PLEKHA3: variants seen among roughly 807,000 people sequenced by gnomAD.
PLEKHA3 encodes pleckstrin homology domain-containing family A member 3.
PLEKHA3 carries 19 observed loss-of-function variants against 39.2 expected under a neutral mutation model. The ratio of observed to expected loss-of-function variants is 0.48; its 90% confidence interval spans 0.34 to 0.71. PLEKHA3 has a LOEUF of 0.71. Among genes scored for constraint, PLEKHA3 ranks in the 30% least tolerant of loss-of-function variants. The pLI is 0.01. For synonymous variants in PLEKHA3, 97 were observed against 118.6 expected (o/e 0.82, Z 1.18); for missense variants, 253 against 359.5 (o/e 0.70, Z 2.40).
rs1273181312 is a variant in PLEKHA3, at chr2:178,505,754, T to C, written c.*1867T>C. The C allele has an allele frequency of 6.6e-6, 1 of 151,960 alleles. No individual in the cohort carries two copies. Among genetic ancestry groups the C allele is most frequent in the Admixed American group, 6.6e-5 (1 of 15,248 alleles). The allele number at this position is 151,960 out of a possible 1,614,324, so 9.4% of individuals were successfully genotyped here. A position where few individuals can be genotyped will look rare whatever the true frequency, so the allele number is the denominator to read the frequency against. ...TTTTCTATTGCTTTACCCAAATAGA[T>C]GGGTTCGTGAAGAGTTTTCTGTGAA... On this transcript the variant is annotated 3_prime_UTR_variant, in exon 8 of 8. Transcript: ENST00000234453.
intron 4 of PLEKHA3, 138 bp from the exon 5 acceptor site, chr2:178,495,358 A>G: frequency 1.3e-6 from 1 of 767,222 alleles, no homozygotes; most frequent in Non-Finnish European, 2.0e-6. Flanking sequence ...TAATTTTCTA[A>G]GGTACTGTAT....
intron 1 of PLEKHA3, chr2:178,481,989 T>C (rs1178839893): frequency 6.5e-6 from 1 of 153,760 alleles, no homozygotes; most frequent in Non-Finnish European, 1.5e-5. Flanking sequence ...GTAAACTTTT[T>C]AAGGCATAAG....
At chr2:178,487,460 A>G (rs1333982527) in intron 2 of PLEKHA3, among the ~76,000 whole-genome samples, 2 of 149,276 alleles carry the variant, frequency 1.3e-5, no homozygotes, top group Non-Finnish European at 3.0e-5. Context: ...TTTTTTTGAG[A>G]CAGGTTCTCA....
intron 2 of PLEKHA3, among the ~76,000 whole-genome samples, chr2:178,486,698 C>A (rs1305434528): frequency 2.0e-5 from 3 of 152,198 alleles, no homozygotes; most frequent in African/African-American, 7.2e-5. Flanking sequence ...TTCTGTGTAA[C>A]AGTAGTTCAG....
At position 178,489,916 on chromosome 2, in the gene PLEKHA3, T is replaced by A. The variant is rs796692032; in HGVS notation, c.158-743T>A. ...TTTGTTTCTTGGTTAAATTGTCAAC[T>A]GTATAGAAGCAAAGACACCTTTTTT... On this transcript the variant is annotated intron_variant, in intron 2 of 7. Coordinates refer to ENST00000234453, the MANE Select transcript of PLEKHA3 (RefSeq NM_019091.4). Among the ~76,000 whole-genome samples, 9 of 152,348 alleles carry A rather than the reference T, an allele frequency of 5.9e-5. No homozygotes were observed. In the South Asian group the frequency reaches 6.2e-4, roughly 11 times the overall value.
In PLEKHA3 at chr2:178,512,054, A is replaced by G. The variant is rs1329499048; in HGVS notation, c.*8167A>G. 1 of 152,240 alleles carries G rather than the reference A, an allele frequency of 6.6e-6. No homozygotes were observed. Among genetic ancestry groups the G allele is most frequent in the Admixed American group, 6.5e-5 (1 of 15,284 alleles). 9.4% of individuals were successfully genotyped at this position (152,240 alleles called of 1,614,324 possible). A position where few individuals can be genotyped will look rare whatever the true frequency, so the allele number is the denominator to read the frequency against. ...TGCGGAAGTACAGGACTACCAGTGC[A>G]GCCAAGATGCACAGCACCAGGATTA... is the stretch of plus-strand genomic sequence containing the variant. On this transcript the variant is annotated 3_prime_UTR_variant, in exon 8 of 8. Coordinates refer to ENST00000234453, the MANE Select transcript of PLEKHA3 (RefSeq NM_019091.4).
chr2:178,481,188 A>G (rs1473185407), intron 1 of PLEKHA3, among the ~76,000 whole-genome samples: 2 of 152,126 alleles, frequency 1.3e-5, no homozygotes, highest in African/African-American at 4.8e-5. Flanking sequence ...GTCACCCTAC[A>G]TGTGTTGTTG....
At chr2:178,481,040 C>A in intron 1 of PLEKHA3, 131 bp downstream of exon 1, 1 of 813,914 alleles carries the variant, frequency 1.2e-6, no homozygotes, top group Non-Finnish European at 1.7e-6. Flanking sequence ...GATTCCAGGG[C>A]TTGTTGAGTC....
intron 6 of PLEKHA3, among the ~76,000 whole-genome samples, chr2:178,499,577 G>A (rs758983629): frequency 6.6e-6 from 1 of 152,142 alleles, no homozygotes; most frequent in Non-Finnish European, 1.5e-5. Context: ...ATATGTGACA[G>A]TGGCCTCATA....
chr2:178,512,490 T>C lies in PLEKHA3; in HGVS notation c.*8603T>C, dbSNP rs1207834206. On this transcript the variant is annotated 3_prime_UTR_variant, in exon 8 of 8. Coordinates refer to ENST00000234453, the MANE Select transcript of PLEKHA3 (RefSeq NM_019091.4). ...GATAATCTCTGTGCTTTTGCAAGTTTGGCACAAAGACTTTTACTCACTTAA... is the reference window on the plus strand; with the variant it reads ...GATAATCTCTGTGCTTTTGCAAGTTCGGCACAAAGACTTTTACTCACTTAA... The C allele has an allele frequency of 6.6e-6, 1 of 152,250 alleles. No homozygotes were observed. The highest frequency in any genetic ancestry group is 1.5e-5 in the Non-Finnish European group (1 of 68,046). 9.4% of individuals were successfully genotyped at this position (152,250 alleles called of 1,614,324 possible).
chr2:178,485,816 A>G, intron 2 of PLEKHA3, 59 bp downstream of exon 2: 1 of 1,280,236 alleles, frequency 7.8e-7, no homozygotes, highest in Non-Finnish European at 1.1e-6. Flanking sequence ...GTTCTTCAGC[A>G]TACTCCAGAC....
At chr2:178,492,983 A>AT (rs1252072797) in intron 3 of PLEKHA3, among the ~76,000 whole-genome samples, 2 of 152,160 alleles carry the variant, frequency 1.3e-5, no homozygotes, top group Admixed American at 1.3e-4. Flanking sequence ...GCAGGAATTG[A>AT]TTTAGGTTAG....
At chr2:178,496,871 T>A (rs1390979335) in intron 5 of PLEKHA3, among the ~76,000 whole-genome samples, 1 of 152,062 alleles carries the variant, frequency 6.6e-6, no homozygotes, top group Non-Finnish European at 1.5e-5. Context: ...CTATGTTTTT[T>A]AATTTATTAT....
In PLEKHA3 at chr2:178,513,808, C is replaced by T. The variant is rs974813384; in HGVS notation, c.*9921C>T. On this transcript the variant is annotated 3_prime_UTR_variant, in exon 8 of 8. Coordinates refer to ENST00000234453, the MANE Select transcript of PLEKHA3 (RefSeq NM_019091.4). Reference sequence around the variant, plus strand: ...CTACAGATAGTAAGGGTTAACCACCCAGATTTTTGTCAGATAATATATACA... The same window carrying T: ...CTACAGATAGTAAGGGTTAACCACCTAGATTTTTGTCAGATAATATATACA... The T allele has an allele frequency of 1.3e-5, 2 of 151,792 alleles. No individual in the cohort carries two copies. The highest frequency in any genetic ancestry group is 2.9e-5 in the Non-Finnish European group (2 of 67,964). The allele number at this position is 151,792 out of a possible 1,614,324, so 9.4% of individuals were successfully genotyped here. A position where few individuals can be genotyped will look rare whatever the true frequency, so the allele number is the denominator to read the frequency against.
chr2:178,489,582 T>A (rs1335508569), intron 2 of PLEKHA3, among the ~76,000 whole-genome samples: 2 of 148,166 alleles, frequency 1.3e-5, no homozygotes, highest in African/African-American at 5.0e-5. Context: ...GCCTTCCGCC[T>A]CCCAAGTTGC....
rs1685144530 is a variant in PLEKHA3 at position 178,480,745 on chromosome 2, A to C, written c.-125A>C. On this transcript the variant is annotated 5_prime_UTR_variant, in exon 1 of 8. Coordinates refer to ENST00000234453, the MANE Select transcript of PLEKHA3 (RefSeq NM_019091.4). ...ACGTCCCTGCGGCGCGCGCAGGCAG[A>C]AAGCGGCTTCGTGCCGGCGGAGGGG... The C allele has an allele frequency of 1.3e-6, 1 of 790,628 alleles. No homozygotes were observed. Among genetic ancestry groups the C allele is most frequent in the South Asian group, 6.4e-5 (1 of 15,594 alleles). The allele number at this position is 790,628 out of a possible 1,614,324, so 49.0% of individuals were successfully genotyped here. A position where few individuals can be genotyped will look rare whatever the true frequency, so the allele number is the denominator to read the frequency against.
Position 178,510,515 on chromosome 2 carries a change from T to C in PLEKHA3, c.*6628T>C, listed in dbSNP as rs765770085. 6.5e-6 allele frequency: 1 copy of C among 153,710 alleles called. No homozygotes were observed. Among genetic ancestry groups the C allele is most frequent in the Non-Finnish European group, 1.5e-5 (1 of 68,032 alleles). The allele number at this position is 153,710 out of a possible 1,614,324, so 9.5% of individuals were successfully genotyped here. Reference sequence around the variant, plus strand: ...GAGGTGGGGCCTACCAGGAGGTGTTTAGGTCATGTGGGTACCACCCTCATG... The same window carrying C: ...GAGGTGGGGCCTACCAGGAGGTGTTCAGGTCATGTGGGTACCACCCTCATG... On this transcript the variant is annotated 3_prime_UTR_variant, in exon 8 of 8. Coordinates refer to ENST00000234453, the MANE Select transcript of PLEKHA3 (RefSeq NM_019091.4).
Position 178,480,783 on chromosome 2 carries a change from C to T in PLEKHA3, c.-87C>T, listed in dbSNP as rs922100348. On this transcript the variant is annotated 5_prime_UTR_variant, in exon 1 of 8. Transcript: ENST00000234453. ...GCCGGCGGAGGGGGCCCGGGCGGGC[C>T]GGGAGGGGCTGCCCCAGGCCCTGCG... 2.5e-6 allele frequency: 3 copies of T among 1,189,136 alleles called. No homozygotes were observed. The highest frequency in any genetic ancestry group is 3.1e-5 in the African/African-American group (2 of 63,792). 73.7% of individuals were successfully genotyped at this position (1,189,136 alleles called of 1,614,324 possible).
intron 1 of PLEKHA3, chr2:178,482,000 C>T (rs550776531): frequency 6.5e-6 from 1 of 153,840 alleles, no homozygotes; most frequent in East Asian, 1.9e-4. Context: ...AAGGCATAAG[C>T]ACTGAGCTAC....
Sources: gnomAD v4.1 joint callset for allele counts (sites outside exome capture counted in the v4.1 genomes callset) on GRCh38, gnomAD v4.1.1 for gene constraint, MANE v1.5 for transcripts, NCBI Gene and HGNC (gene_info 2026-07-23, HGNC 2026-07-21) for gene names.